CRB1: variants seen among roughly 807,000 people sequenced by gnomAD.
The protein encoded by CRB1 is crumbs cell polarity complex component 1, also known as protein crumbs homolog 1.
CRB1 carries 83 observed loss-of-function variants against 120.0 expected under a neutral mutation model. That is an observed-to-expected ratio of 0.69 (90% CI 0.58 to 0.83). The LOEUF (loss-of-function observed/expected upper bound fraction) is 0.83, where lower values mean the gene tolerates loss of function less well. CRB1 is among the 40% of genes least tolerant of loss of function. CRB1 has a pLI of 0.00. For synonymous variants in CRB1, 625 were observed against 612.5 expected, an observed-to-expected ratio of 1.02 and a Z score of -0.30; for missense variants, 1,699 against 1,687.6, an observed-to-expected ratio of 1.01 and a Z score of -0.12.
chr1:197,446,539 G>C (rs1665710135), intron 11 of CRB1, among the ~76,000 whole-genome samples: 1 of 152,158 alleles, frequency 6.6e-6, no homozygotes, highest in South Asian at 2.1e-4. Context: ...AAGAGAAATG[G>C]AGAATCCTTG....
the CRB1 span, among the ~76,000 whole-genome samples, chr1:197,225,151 A>G: frequency 1.3e-5 from 2 of 151,832 alleles, no homozygotes; most frequent in Non-Finnish European, 2.9e-5. Context: ...CCAAGTCCAT[A>G]CAATTAATAC....
chr1:197,211,758 TTAATC>T, the CRB1 span, among the ~76,000 whole-genome samples: 9 of 152,164 alleles, frequency 5.9e-5, no homozygotes, highest in African/African-American at 9.7e-5. Context: ...TTTTATCAAA[TTAATC>T]TATAGAATTA....
chr1:197,395,512 T>C (rs966368052), intron 5 of CRB1, among the ~76,000 whole-genome samples: 3 of 152,032 alleles, frequency 2.0e-5, no homozygotes, highest in Non-Finnish European at 4.4e-5. Flanking sequence ...AGTTGGAACA[T>C]GAGATAAATA....
the CRB1 span, among the ~76,000 whole-genome samples, chr1:197,239,055 A>G: frequency 6.6e-6 from 1 of 152,116 alleles, no homozygotes. Flanking sequence ...GTCCATTTGC[A>G]TATTCTATCA....
chr1:197,387,188 C>T (rs1169326476), intron 5 of CRB1, among the ~76,000 whole-genome samples: 2 of 152,026 alleles, frequency 1.3e-5, no homozygotes, highest in African/African-American at 4.8e-5. Context: ...CTTCAACCTC[C>T]ACCTCCCTGG....
At chr1:197,401,559 A>G (rs1291129855) in intron 5 of CRB1, among the ~76,000 whole-genome samples, 1 of 152,186 alleles carries the variant, frequency 6.6e-6, no homozygotes. Flanking sequence ...ATAACCTTGA[A>G]CAATTTGTCG....
chr1:197,377,941 TC>T (rs1274518652), intron 5 of CRB1, among the ~76,000 whole-genome samples: 1 of 152,222 alleles, frequency 6.6e-6, no homozygotes, highest in Admixed American at 6.5e-5. Flanking sequence ...TGCTGTATCC[TC>T]CCGGCACTAT....
At chr1:197,366,579 A>G (rs1461557794) in intron 5 of CRB1, among the ~76,000 whole-genome samples, 1 of 152,226 alleles carries the variant, frequency 6.6e-6, no homozygotes, top group Non-Finnish European at 1.5e-5. Flanking sequence ...ACCAGAGTAG[A>G]AAATTAACTG....
chr1:197,303,915 G>A (rs2125258704), intron 1 of CRB1, among the ~76,000 whole-genome samples: 1 of 152,250 alleles, frequency 6.6e-6, no homozygotes, highest in East Asian at 1.9e-4. Context: ...ATGAGCCCAG[G>A]AGTTCGAGGT....
chr1:197,214,063 T>G, the CRB1 span, among the ~76,000 whole-genome samples: 1 of 151,808 alleles, frequency 6.6e-6, no homozygotes, highest in Admixed American at 6.6e-5. Flanking sequence ...ATGAAATAGA[T>G]GCTAGAAAAA....
intron 5 of CRB1, chr1:197,360,395 G>T (rs561486794): frequency 6.6e-6 from 1 of 152,320 alleles, no homozygotes; most frequent in East Asian, 1.9e-4. Flanking sequence ...CAACTGCCCC[G>T]CATCTGCTGA....
chr1:197,439,262 A>T (rs1665316004), intron 10 of CRB1: 1 of 158,688 alleles, frequency 6.3e-6, no homozygotes. Context: ...CATACTGAAT[A>T]GCTTTTATCA....
chr1:197,400,626 G>A (rs1267418764), intron 5 of CRB1, among the ~76,000 whole-genome samples: 1 of 152,008 alleles, frequency 6.6e-6, no homozygotes, highest in Non-Finnish European at 1.5e-5. Context: ...TATAAAATGT[G>A]CAAACAAAAT....
chr1:197,221,417 A>G, the CRB1 span, among the ~76,000 whole-genome samples: 1 of 152,216 alleles, frequency 6.6e-6, no homozygotes, highest in African/African-American at 2.4e-5. Context: ...ACCATACCTC[A>G]TCACATTCTG....
chr1:197,338,093 T>G (rs1425056874), intron 2 of CRB1, among the ~76,000 whole-genome samples: 2 of 151,964 alleles, frequency 1.3e-5, no homozygotes, highest in Non-Finnish European at 2.9e-5. Context: ...CATAAACCAT[T>G]CATAAAAGTA....
At chr1:197,369,378 G>A (rs1043749376) in intron 5 of CRB1, among the ~76,000 whole-genome samples, 4 of 151,680 alleles carry the variant, frequency 2.6e-5, no homozygotes, top group African/African-American at 9.7e-5. Flanking sequence ...ACCATGACAC[G>A]CACATTCACC....
intron 5 of CRB1, among the ~76,000 whole-genome samples, chr1:197,394,588 A>G (rs1212574512): frequency 1.3e-5 from 2 of 152,056 alleles, no homozygotes; most frequent in Non-Finnish European, 2.9e-5. Flanking sequence ...TAATTTATAC[A>G]CTCAAATTAT....
chr1:197,201,722 A>G, the CRB1 span, among the ~76,000 whole-genome samples: 1 of 152,188 alleles, frequency 6.6e-6, no homozygotes, highest in Non-Finnish European at 1.5e-5. Context: ...AATCTACCAA[A>G]CAGCAACTGC....
intron 5 of CRB1, among the ~76,000 whole-genome samples, chr1:197,404,004 G>A (rs1293631105): frequency 6.6e-6 from 1 of 152,104 alleles, no homozygotes; most frequent in Non-Finnish European, 1.5e-5. Context: ...AACTGTACTA[G>A]GATCTAACCA....
Sources: gnomAD v4.1 joint callset for allele counts (sites outside exome capture counted in the v4.1 genomes callset) on GRCh38, gnomAD v4.1.1 for gene constraint, MANE v1.5 for transcripts, NCBI Gene and HGNC (gene_info 2026-07-23, HGNC 2026-07-21) for gene names.